The following C1orf54 variants were observed in gnomAD, a reference collection of about 807,000 sequenced individuals.
C1orf54 encodes chromosome 1 open reading frame 54, also known as uncharacterized protein C1orf54.
A neutral mutation model predicts 14.7 loss-of-function variants in C1orf54; 12 were observed. The ratio of observed to expected loss-of-function variants is 0.82; its 90% CI spans 0.52 to 1.32. The LOEUF is 1.32. Among genes scored for constraint, C1orf54 ranks in the 40% most tolerant of loss-of-function variants. The probability of loss-of-function intolerance (pLI) is 0.00; values close to 1 mark genes in which losing one functional copy is unlikely to be tolerated. For synonymous variants in C1orf54, 65 were observed against 56.3 expected (o/e 1.16, Z -0.70); for missense variants, 163 against 162.2 (o/e 1.00, Z -0.03).
At chr1:150,273,944 G>A (rs1652418058) in intron 1 of C1orf54, 143 bp from the exon 2 acceptor site, 3 of 645,570 alleles carry the variant, frequency 4.6e-6, no homozygotes, top group East Asian at 2.6e-5. Context: ...GGCAAGAAAG[G>A]AGTATGACTA....
In C1orf54 at chr1:150,272,897, AG is replaced by A. The variant is rs1553851566; in HGVS notation, c.46+36del. The A allele has an allele frequency of 4.3e-6, 7 of 1,612,550 alleles. No individual in the cohort carries two copies. In the African/African-American group the frequency reaches 9.3e-5, roughly 22 times the overall value. On this transcript the variant is annotated intron_variant, in intron 1 of 5. Transcript: ENST00000369099. ...ACTCCTCTCTCTGAGCTTTTGTGCC[AG>A]GTCTTCTACCATAAATGGGGTGGGA...
At chr1:150,275,692 A>C (rs373248051) in intron 2 of C1orf54, 49 bp from the exon 3 acceptor site, 1 of 1,440,652 alleles carries the variant, frequency 6.9e-7, no homozygotes, top group African/African-American at 1.4e-5. Flanking sequence ...TTCCAGATCT[A>C]GAGTTACATT....
chr1:150,278,046 G>A (rs1035577268), intron 4 of C1orf54, among the ~76,000 whole-genome samples: 2 of 151,610 alleles, frequency 1.3e-5, no homozygotes, highest in Non-Finnish European at 2.9e-5. Context: ...GCAGTGAGCC[G>A]AAATCGCGCT....
upstream of C1orf54, among the ~76,000 whole-genome samples, chr1:150,269,789 G>C (rs3754048): frequency 0.35 from 52,973 of 152,038 alleles, 9,847 homozygotes; most frequent in East Asian, 0.6. Context: ...GGCTGAGCGC[G>C]GTGGCTCACC....
At chr1:150,272,434 G>A (rs1652275325), upstream of C1orf54, 1 of 204,006 alleles carries the variant, frequency 4.9e-6, no homozygotes, top group Non-Finnish European at 1.0e-5. Flanking sequence ...GACAGTGAGA[G>A]GGAGGGTGAA....
At chr1:150,279,335 T>A (rs1189585954) in intron 4 of C1orf54, among the ~76,000 whole-genome samples, 1 of 152,216 alleles carries the variant, frequency 6.6e-6, no homozygotes. Flanking sequence ...AGGACAGGAA[T>A]CTTGTCTTAT....
rs782415411 is a variant in C1orf54, at chr1:150,279,746, G to T, written c.*3+5G>T. Reference sequence around the variant, plus strand: ...GGGATGTATTTCATGTAGAAGGTAAGAGTGCAGCCACTGGCTTTGGGGGAG... The same window carrying T: ...GGGATGTATTTCATGTAGAAGGTAATAGTGCAGCCACTGGCTTTGGGGGAG... On this transcript the variant is annotated splice_donor_5th_base_variant and intron_variant, in intron 5 of 5. Transcript: ENST00000369099. The T allele has an allele frequency of 3.7e-6, 6 of 1,605,170 alleles. No homozygotes were observed. Among genetic ancestry groups the T allele is most frequent in the Non-Finnish European group, 5.1e-6 (6 of 1,173,810 alleles).
At chr1:150,272,423 A>C, upstream of C1orf54, 1 of 197,318 alleles carries the variant, frequency 5.1e-6, no homozygotes, top group South Asian at 8.9e-5. Context: ...GGTAAGTCAG[A>C]GACAGTGAGA....
intron 5 of C1orf54, 53 bp from the exon 6 acceptor site, chr1:150,280,782 G>A (rs1653039321): frequency 1.4e-6 from 2 of 1,442,622 alleles, no homozygotes; most frequent in Admixed American, 2.0e-5. Context: ...GCATGAAGGG[G>A]TTTCTCGGGT....
chr1:150,272,502 A>C (rs1553851448), upstream of C1orf54: 1 of 271,084 alleles, frequency 3.7e-6, no homozygotes, highest in African/African-American at 2.2e-5. Flanking sequence ...ACTTCTTGGT[A>C]GGCTTATTTT....
chr1:150,271,120 CT>C (rs1161498956), upstream of C1orf54, among the ~76,000 whole-genome samples: 10 of 147,344 alleles, frequency 6.8e-5, no homozygotes, highest in Non-Finnish European at 7.5e-5. Flanking sequence ...ATTCTCATGT[CT>C]TTTTTTTTTG....
chr1:150,276,436 A>G (rs1482550879), intron 3 of C1orf54, 86 bp from the exon 4 acceptor site: 2 of 1,071,932 alleles, frequency 1.9e-6, no homozygotes, highest in East Asian at 4.8e-5. Flanking sequence ...GAGGTGGTGA[A>G]GGGGAGAACT....
At chr1:150,274,372 G>A (rs1055636288) in intron 2 of C1orf54, among the ~76,000 whole-genome samples, 2 of 151,928 alleles carry the variant, frequency 1.3e-5, no homozygotes, top group African/African-American at 2.4e-5. Context: ...AGGCTGAGGC[G>A]GGCGGATCAC....
chr1:150,279,264 T>A (rs1410673495), intron 4 of C1orf54, among the ~76,000 whole-genome samples: 6 of 152,094 alleles, frequency 3.9e-5, no homozygotes, highest in Non-Finnish European at 7.4e-5. Context: ...AAAATAATAA[T>A]AAATAAACAA....
At chr1:150,273,075 G>A (rs1433608658) in intron 1 of C1orf54, among the ~76,000 whole-genome samples, 1 of 152,138 alleles carries the variant, frequency 6.6e-6, no homozygotes, top group African/African-American at 2.4e-5. Flanking sequence ...CAAACAAGGA[G>A]GATGGAGCTC....
chr1:150,279,744 AAG>A lies in C1orf54; in HGVS notation c.*3+6_*3+7del, dbSNP rs782462638. The A allele has an allele frequency of 6.2e-7, 1 of 1,607,400 alleles. No homozygotes were observed. The highest frequency in any genetic ancestry group is 1.1e-5 in the South Asian group (1 of 90,448). ...TGGGGATGTATTTCATGTAGAAGGTAAGAGTGCAGCCACTGGCTTTGGGGGAG... is the reference window on the plus strand; with the variant it reads ...TGGGGATGTATTTCATGTAGAAGGTAAGTGCAGCCACTGGCTTTGGGGGAG... On this transcript the variant is annotated splice_donor_5th_base_variant and intron_variant, in intron 5 of 5. Coordinates refer to ENST00000369099, the MANE Select transcript of C1orf54 (RefSeq NM_024579.4).
chr1:150,271,492 A>G (rs1652204301), upstream of C1orf54, among the ~76,000 whole-genome samples: 1 of 152,218 alleles, frequency 6.6e-6, no homozygotes, highest in Non-Finnish European at 1.5e-5. Context: ...GTGTTTCCAC[A>G]GACACTTGCA....
intron 5 of C1orf54, 63 bp from the exon 6 acceptor site, chr1:150,280,772 G>A: frequency 7.8e-7 from 1 of 1,281,680 alleles, no homozygotes; most frequent in Non-Finnish European, 1.1e-6. Flanking sequence ...AGTGTGGGGG[G>A]CATGAAGGGG....
chr1:150,275,115 T>C (rs1480122150), intron 2 of C1orf54, among the ~76,000 whole-genome samples: 1 of 151,480 alleles, frequency 6.6e-6, no homozygotes, highest in Non-Finnish European at 1.5e-5. Context: ...CTCAGCTCAC[T>C]GCAACCTCTG....
Sources: allele counts gnomAD v4.1 joint callset (sites outside exome capture counted in the v4.1 genomes callset), GRCh38; gene constraint gnomAD v4.1.1; transcripts MANE v1.5; gene names NCBI Gene and HGNC (gene_info 2026-07-23, HGNC 2026-07-21).